Variants in USP15 observed in about 807,000 individuals in gnomAD.
The protein encoded by USP15 is ubiquitin specific peptidase 15.
A neutral mutation model predicts 127.1 loss-of-function variants in USP15; 18 were observed. The ratio of observed to expected loss-of-function variants is 0.14; its 90% CI spans 0.10 to 0.21. The LOEUF (loss-of-function observed/expected upper bound fraction) is 0.21, where lower values mean the gene tolerates loss of function less well. Ranked by LOEUF, USP15 falls within the 10% of genes least tolerant of loss-of-function variation. The pLI is 1.00. For missense variants in USP15, 805 were observed against 1,159.9 expected, an observed-to-expected ratio of 0.69 and a Z score of 4.44; for synonymous variants, 364 against 393.7, an observed-to-expected ratio of 0.92 and a Z score of 0.89.
At chr12:62,381,025 G>A (rs2066976840) in intron 8 of USP15, among the ~76,000 whole-genome samples, 1 of 151,978 alleles carries the variant, frequency 6.6e-6, no homozygotes, top group Non-Finnish European at 1.5e-5. Flanking sequence ...AGGTTTAAAG[G>A]CTGCTCTTTC....
intron 1 of USP15, among the ~76,000 whole-genome samples, chr12:62,267,418 A>C (rs898180735): frequency 3.3e-5 from 5 of 152,170 alleles, no homozygotes; most frequent in Admixed American, 2.0e-4. Flanking sequence ...AATAAGTTCC[A>C]ATTATAATAT....
intron 4 of USP15, among the ~76,000 whole-genome samples, chr12:62,316,233 C>T (rs1253503468): frequency 6.8e-6 from 1 of 147,066 alleles, no homozygotes; most frequent in Admixed American, 7.0e-5. Flanking sequence ...TGCAGTGGGC[C>T]GAAACCGTAC....
At chr12:62,297,765 A>G (rs899676249) in intron 2 of USP15, among the ~76,000 whole-genome samples, 39 of 152,168 alleles carry the variant, frequency 2.6e-4, no homozygotes, top group African/African-American at 8.9e-4. Context: ...CACCTGTGCA[A>G]AGCTACAAGA....
intron 4 of USP15, 114 bp downstream of exon 4, chr12:62,315,030 T>C (rs763990262): frequency 1.9e-6 from 2 of 1,029,578 alleles, no homozygotes; most frequent in Non-Finnish European, 2.6e-6. Context: ...ATATAGACAT[T>C]TGATTTCCAG....
At chr12:62,272,010 T>C (rs1241740388) in intron 1 of USP15, among the ~76,000 whole-genome samples, 1 of 151,794 alleles carries the variant, frequency 6.6e-6, no homozygotes, top group Non-Finnish European at 1.5e-5. Flanking sequence ...TTGTTTCAGT[T>C]TTACTGAAAC....
intron 1 of USP15, among the ~76,000 whole-genome samples, chr12:62,287,320 T>G (rs951422390): frequency 2.0e-5 from 3 of 152,152 alleles, no homozygotes; most frequent in African/African-American, 7.2e-5. Context: ...GAATCTAATA[T>G]TTAAAATAAA....
chr12:62,390,015 C>A, intron 14 of USP15, 27 bp downstream of exon 14: 15 of 1,516,800 alleles, frequency 9.9e-6, no homozygotes, highest in South Asian at 2.6e-5. Context: ...TCTACATTGA[C>A]AAAATAAATA....
chr12:62,351,901 T>G (rs2065977924), intron 7 of USP15, among the ~76,000 whole-genome samples: 1 of 151,842 alleles, frequency 6.6e-6, no homozygotes, highest in African/African-American at 2.4e-5. Context: ...TTTTTTTAAC[T>G]TTAAAAAACT....
chr12:62,265,821 G>A (rs1471911395), intron 1 of USP15, among the ~76,000 whole-genome samples: 1 of 152,078 alleles, frequency 6.6e-6, no homozygotes, highest in Non-Finnish European at 1.5e-5. Context: ...ATTAATAGCT[G>A]GGATTACAGG....
chr12:62,271,872 A>G (rs1565804877), intron 1 of USP15, among the ~76,000 whole-genome samples: 1 of 151,884 alleles, frequency 6.6e-6, no homozygotes, highest in Non-Finnish European at 1.5e-5. Flanking sequence ...AAAATTATTT[A>G]TTGCTAGGTG....
Position 62,383,837 on chromosome 12 carries a change from C to A in USP15, c.1090-3C>A. Reference sequence around the variant, plus strand: ...TGATTTGATGGTTTTGCATTTCTTACAGACACAGGTAGGACGTTTTGCACC... The same window carrying A: ...TGATTTGATGGTTTTGCATTTCTTAAAGACACAGGTAGGACGTTTTGCACC... On this transcript the variant is annotated splice_region_variant and splice_polypyrimidine_tract_variant and intron_variant, in intron 9 of 21. Transcript: ENST00000280377. 6.2e-7 allele frequency: 1 copy of A among 1,609,490 alleles called. No homozygotes were observed. The highest frequency in any genetic ancestry group is 8.5e-7 in the Non-Finnish European group (1 of 1,177,864).
chr12:62,270,741 T>C (rs976366504), intron 1 of USP15, among the ~76,000 whole-genome samples: 3 of 152,146 alleles, frequency 2.0e-5, no homozygotes, highest in Admixed American at 1.3e-4. Flanking sequence ...TATAACTGTG[T>C]AGACAGTTTT....
At chr12:62,349,423 T>C in intron 7 of USP15, 116 bp downstream of exon 7, 1 of 582,838 alleles carries the variant, frequency 1.7e-6, no homozygotes, top group Non-Finnish European at 2.6e-6. Flanking sequence ...ATTGGTTTTC[T>C]TTTAAATTAC....
At chr12:62,361,882 A>T (rs2066329818) in intron 8 of USP15, among the ~76,000 whole-genome samples, 1 of 152,046 alleles carries the variant, frequency 6.6e-6, no homozygotes, top group African/African-American at 2.4e-5. Context: ...TGGTTACTTA[A>T]ACCATTGTTC....
In USP15 at chr12:62,321,345, T is replaced by C. The variant is rs116979723; in HGVS notation, c.476-119T>C. 858 of 584,750 alleles carry C rather than the reference T, an allele frequency of 1.5e-3. 9 individuals carry two copies. The East Asian group carries it at 0.027, about 19-fold the overall frequency. 36.2% of individuals were successfully genotyped at this position (584,750 alleles called of 1,614,324 possible). A position where few individuals can be genotyped will look rare whatever the true frequency, so the allele number is the denominator to read the frequency against. On this transcript the variant is annotated intron_variant, in intron 4 of 21. Coordinates refer to ENST00000280377, the MANE Select transcript of USP15 (RefSeq NM_001252078.2). ...GTTTGTGTTTTATAGATTTATTACA[T>C]ATTTAGTCTTGATTTTCTATTAGTA...
At chr12:62,394,611 A>G (rs972189320) in intron 19 of USP15, among the ~76,000 whole-genome samples, 2 of 152,178 alleles carry the variant, frequency 1.3e-5, no homozygotes, top group African/African-American at 2.4e-5. Flanking sequence ...GCACTTTGGG[A>G]GGCCGAGGTG....
rs947631009 is a variant in USP15 at position 62,406,046 on chromosome 12, G to A, written c.*1671G>A. 1 of 146,866 alleles carries A rather than the reference G, an allele frequency of 6.8e-6. No homozygotes were observed. Among genetic ancestry groups the A allele is most frequent in the Non-Finnish European group, 1.5e-5 (1 of 66,786 alleles). 9.1% of individuals were successfully genotyped at this position (146,866 alleles called of 1,614,324 possible). A position where few individuals can be genotyped will look rare whatever the true frequency, so the allele number is the denominator to read the frequency against. ...AGAGGTTAAAATTTTGTCTGCACTT[G>A]AGTTCACTTGAGTTTACATTTGAAA... On this transcript the variant is annotated 3_prime_UTR_variant, in exon 22 of 22. Transcript: ENST00000280377.
chr12:62,276,463 C>T (rs1437948492), intron 1 of USP15, among the ~76,000 whole-genome samples: 1 of 151,942 alleles, frequency 6.6e-6, no homozygotes, highest in Non-Finnish European at 1.5e-5. Flanking sequence ...GTAAATATGT[C>T]AGTTTTGGAA....
At position 62,381,642 on chromosome 12, in the gene USP15, C is replaced by T. The variant is rs781627611; in HGVS notation, c.1068C>T (p.Tyr356=). The change falls in exon 9 of 22, where the codon TAC becomes TAT. Residue 356 remains tyrosine (Y), a synonymous_variant. Transcript: ENST00000280377. ...IKQMWSGKFS[Y]VTPRAFKTQV... Reference sequence around the variant, plus strand: ...AAATGTGGTCTGGAAAGTTTAGCTACGTCACCCCAAGAGCCTTTAAGGTTA... The same window carrying T: ...AAATGTGGTCTGGAAAGTTTAGCTATGTCACCCCAAGAGCCTTTAAGGTTA... 17 of 1,611,436 alleles carry T rather than the reference C, an allele frequency of 1.1e-5. No homozygotes were observed. In the East Asian group the frequency reaches 2.7e-4, roughly 25 times the overall value.
Sources: gnomAD v4.1 joint callset for allele counts (sites outside exome capture counted in the v4.1 genomes callset) on GRCh38, gnomAD v4.1.1 for gene constraint, MANE v1.5 for transcripts, NCBI Gene and HGNC (gene_info 2026-07-23, HGNC 2026-07-21) for gene names.